FAM135A: variants seen among roughly 807,000 people sequenced by gnomAD.
FAM135A encodes protein FAM135A.
Under a neutral mutation model 146.8 loss-of-function variants are expected in FAM135A, and 79 were observed. The ratio of observed to expected loss-of-function variants is 0.54; its 90% CI spans 0.45 to 0.65. The LOEUF is 0.65. FAM135A is among the 30% of genes least tolerant of loss of function. The pLI, the probability that FAM135A is intolerant of heterozygous loss-of-function variation, is 0.00. For missense variants in FAM135A, 1,623 were observed against 1,758.2 expected (o/e 0.92, Z 1.38); for synonymous variants, 562 against 603.6 (o/e 0.93, Z 1.01).
At chr6:70,534,758 A>G (rs530720003) in intron 18 of FAM135A, among the ~76,000 whole-genome samples, 26 of 152,272 alleles carry the variant, frequency 1.7e-4, no homozygotes, top group African/African-American at 6.0e-4. Flanking sequence ...GGTAGAATAA[A>G]CTGACTATAT....
chr6:70,450,716 G>GTTT lies in FAM135A; in HGVS notation c.78-1736_78-1734dup, dbSNP rs546674936. On this transcript the variant is annotated intron_variant, in intron 4 of 21. Transcript: ENST00000418814. ...CTCAGGGAGTGTGACCCTTTTAGTTGTTTTTTTTTTTTTTTTTTTTTTTTT... is the reference window on the plus strand; with the variant it reads ...CTCAGGGAGTGTGACCCTTTTAGTTGTTTTTTTTTTTTTTTTTTTTTTTTTTTT... 6.2e-3 allele frequency among the ~76,000 whole-genome samples: 176 copies of GTTT among 28,348 alleles called. 55 individuals are homozygous for GTTT. Among genetic ancestry groups the GTTT allele is most frequent in the East Asian group, 9.4e-3 (6 of 640 alleles). The allele number at this position is 28,348 out of a possible 152,430, so 18.6% of individuals were successfully genotyped here. A position where few individuals can be genotyped will look rare whatever the true frequency, so the allele number is the denominator to read the frequency against.
intron 5 of FAM135A, among the ~76,000 whole-genome samples, chr6:70,467,620 T>C (rs533849940): frequency 7.9e-5 from 12 of 152,228 alleles, no homozygotes; most frequent in African/African-American, 2.6e-4. Context: ...TGATATTTCT[T>C]CACCTTTATT....
At chr6:70,435,640 C>G (rs964290226) in intron 4 of FAM135A, among the ~76,000 whole-genome samples, 10 of 152,082 alleles carry the variant, frequency 6.6e-5, no homozygotes, top group African/African-American at 2.4e-4. Context: ...CTGCCTCAGC[C>G]TCCTGAGTAG....
chr6:70,421,159 T>C (rs935066408), intron 2 of FAM135A, among the ~76,000 whole-genome samples: 1 of 152,126 alleles, frequency 6.6e-6, no homozygotes. Flanking sequence ...GCTGGGATTA[T>C]AGGTGTGAGC....
intron 11 of FAM135A, among the ~76,000 whole-genome samples, chr6:70,500,506 T>A (rs964963874): frequency 2.0e-5 from 3 of 152,188 alleles, no homozygotes; most frequent in Non-Finnish European, 4.4e-5. Flanking sequence ...TCACTCTCCG[T>A]CCAGTTTTGT....
intron 20 of FAM135A, among the ~76,000 whole-genome samples, chr6:70,554,493 C>T (rs1195466441): frequency 6.6e-6 from 1 of 152,020 alleles, no homozygotes; most frequent in Non-Finnish European, 1.5e-5. Context: ...CAGTAAAGAA[C>T]AGGAGGAAAG....
intron 20 of FAM135A, among the ~76,000 whole-genome samples, chr6:70,548,521 G>A (rs1311326493): frequency 6.6e-6 from 1 of 152,086 alleles, no homozygotes; most frequent in Non-Finnish European, 1.5e-5. Context: ...ACTGAGCTGC[G>A]TGAACATGAG....
intron 5 of FAM135A, among the ~76,000 whole-genome samples, chr6:70,458,132 G>A (rs899110130): frequency 3.4e-5 from 5 of 146,402 alleles, no homozygotes; most frequent in African/African-American, 1.3e-4. Flanking sequence ...AATATTATCT[G>A]TGTATTTTTT....
intron 1 of FAM135A, among the ~76,000 whole-genome samples, chr6:70,414,539 A>G (rs1463902280): frequency 1.3e-5 from 2 of 148,662 alleles, no homozygotes; most frequent in African/African-American, 2.5e-5. Context: ...GTATAAGTCA[A>G]GCCTCTTAAC....
At chr6:70,539,421 G>A (rs550969051) in intron 20 of FAM135A, among the ~76,000 whole-genome samples, 9 of 152,102 alleles carry the variant, frequency 5.9e-5, no homozygotes, top group Non-Finnish European at 1.2e-4. Context: ...AAACAAATGA[G>A]CATGACTGTG....
Position 70,442,960 on chromosome 6 carries a change from G to A in FAM135A, c.78-9532G>A, listed in dbSNP as rs761800696. Among the ~76,000 whole-genome samples, 73 of 151,940 alleles carry A rather than the reference G, an allele frequency of 4.8e-4. 1 individual carries two copies. Among genetic ancestry groups the A allele is most frequent in the Non-Finnish European group, 8.8e-5 (6 of 67,992 alleles). ...TTTTTATCTTATATTTTCCCATTGCGGTTAATACTACAATATTGCAGTTGC... is the reference window on the plus strand; with the variant it reads ...TTTTTATCTTATATTTTCCCATTGCAGTTAATACTACAATATTGCAGTTGC... On this transcript the variant is annotated intron_variant, in intron 4 of 21. Transcript: ENST00000418814.
chr6:70,522,460 A>C, intron 12 of FAM135A, 53 bp from the exon 13 acceptor site: 1 of 1,520,392 alleles, frequency 6.6e-7, no homozygotes, highest in Non-Finnish European at 9.1e-7. Context: ...AAGATGCCGG[A>C]TTGACTTTTT....
chr6:70,438,331 G>C lies in FAM135A; in HGVS notation c.77+9912G>C, dbSNP rs114764951. Among the ~76,000 whole-genome samples the C allele has an allele frequency of 3.6e-3, 541 of 152,224 alleles. 5 individuals are homozygous for C. Among genetic ancestry groups the C allele is most frequent in the African/African-American group, 0.012 (519 of 41,548 alleles). On this transcript the variant is annotated intron_variant, in intron 4 of 21. Coordinates refer to ENST00000418814, the MANE Select transcript of FAM135A (RefSeq NM_001162529.3). The stretch of plus-strand genomic sequence containing the variant: ...CCCTTAAGTAGTTTTACTTTCTGTG[G>C]TTTCAGTTACCTGCAATCCACCTCA...
At chr6:70,436,898 G>A (rs1047901995) in intron 4 of FAM135A, among the ~76,000 whole-genome samples, 4 of 151,950 alleles carry the variant, frequency 2.6e-5, no homozygotes, top group South Asian at 2.1e-4. Flanking sequence ...AACTACTACC[G>A]AAAACCAAAA....
chr6:70,558,626 A>G (rs1018754310), intron 21 of FAM135A, among the ~76,000 whole-genome samples: 1 of 152,136 alleles, frequency 6.6e-6, no homozygotes, highest in Non-Finnish European at 1.5e-5. Context: ...CTTGGGCAAC[A>G]TAGCAAGACC....
At chr6:70,487,083 C>CAAA (rs34560435) in intron 10 of FAM135A, among the ~76,000 whole-genome samples, 190 of 40,484 alleles carry the variant, frequency 4.7e-3, no homozygotes, top group African/African-American at 6.5e-3. Flanking sequence ...ACTCCCATCT[C>CAAA]AAAAAAAAAA....
At chr6:70,448,011 A>G (rs1052243093) in intron 4 of FAM135A, among the ~76,000 whole-genome samples, 6 of 113,518 alleles carry the variant, frequency 5.3e-5, no homozygotes, top group Non-Finnish European at 6.7e-5. Flanking sequence ...TGTAGCTATA[A>G]TATTTCCCTG....
chr6:70,421,849 G>A (rs1768924049), intron 2 of FAM135A, among the ~76,000 whole-genome samples: 1 of 152,168 alleles, frequency 6.6e-6, no homozygotes, highest in African/African-American at 2.4e-5. Context: ...AAAGTAACAG[G>A]TTCCAAACCA....
intron 4 of FAM135A, among the ~76,000 whole-genome samples, chr6:70,444,113 TA>T (rs1199102635): frequency 1.3e-5 from 2 of 152,312 alleles, no homozygotes; most frequent in Middle Eastern, 3.4e-3. Flanking sequence ...ATCCACATTT[TA>T]AATTTTTGGG....
Sources: allele counts gnomAD v4.1 joint callset (sites outside exome capture counted in the v4.1 genomes callset), GRCh38; gene constraint gnomAD v4.1.1; transcripts MANE v1.5; gene names NCBI Gene and HGNC (gene_info 2026-07-23, HGNC 2026-07-21).